CRIPTO: variants seen among roughly 807,000 people sequenced by gnomAD.
CRIPTO encodes cripto, EGF-CFC family member, also known as protein Cripto.
chr3:46,581,317 T>A, the CRIPTO span: 1 of 1,208,292 alleles, frequency 8.3e-7, no homozygotes, highest in Non-Finnish European at 1.2e-6. Context: ...CAGTAAAGGC[T>A]GCTGCTACAA....
chr3:46,579,593 C>T, the CRIPTO span: 1 of 1,163,384 alleles, frequency 8.6e-7, no homozygotes. Context: ...CCACCACTGG[C>T]CTATGCATGA....
chr3:46,581,450 A>G, the CRIPTO span: 1 of 614,490 alleles, frequency 1.6e-6, no homozygotes. Context: ...CTCCCAAAAA[A>G]CTACTTCTTT....
At chr3:46,580,706 A>G in the CRIPTO span, among the ~76,000 whole-genome samples, 2 of 152,162 alleles carry the variant, frequency 1.3e-5, no homozygotes, top group Non-Finnish European at 2.9e-5. Context: ...GGGCCCCCCA[A>G]ATTCAGAGAC....
At chr3:46,578,126 G>A in the CRIPTO span, 81 of 1,037,538 alleles carry the variant, frequency 7.8e-5, no homozygotes, top group African/African-American at 1.6e-4. Context: ...GCTGCCAACC[G>A]CACTGCTGTT....
At chr3:46,576,919 G>C in the CRIPTO span, among the ~76,000 whole-genome samples, 1,732 of 152,232 alleles carry the variant, frequency 0.011, 32 homozygotes, top group African/African-American at 0.039. Flanking sequence ...ATCAGAGTCC[G>C]GGGGTAATTC....
At chr3:46,576,131 G>A in the CRIPTO span, among the ~76,000 whole-genome samples, 1 of 152,116 alleles carries the variant, frequency 6.6e-6, no homozygotes, top group Non-Finnish European at 1.5e-5. Context: ...ACTGGATGGG[G>A]CCTCACTCCC....
the CRIPTO span, among the ~76,000 whole-genome samples, chr3:46,580,520 C>T: frequency 6.6e-6 from 1 of 152,112 alleles, no homozygotes; most frequent in Non-Finnish European, 1.5e-5. Context: ...TCCCTGGTAA[C>T]CCCCTCCCCA....
chr3:46,579,018 T>G, the CRIPTO span: 117 of 1,501,926 alleles, frequency 7.8e-5, no homozygotes, highest in Middle Eastern at 2.0e-4. Flanking sequence ...GTCCTTGTGA[T>G]GAGAGGACCT....
the CRIPTO span, among the ~76,000 whole-genome samples, chr3:46,580,559 TTACCATGACTGGTCACAGAACC>T: frequency 0.035 from 5,329 of 152,228 alleles, 213 homozygotes; most frequent in East Asian, 0.16. Context: ...CACAGAACCC[TTACCATGACTGGTCACAGAACC>T]CTTTCACCTT....
the CRIPTO span, chr3:46,577,096 C>G: frequency 1.3e-5 from 2 of 152,366 alleles, no homozygotes; most frequent in African/African-American, 2.4e-5. Flanking sequence ...ACTGGAGAGT[C>G]CCAGCTGCTG....
chr3:46,578,114 G>C, the CRIPTO span: 19 of 1,245,254 alleles, frequency 1.5e-5, no homozygotes, highest in Admixed American at 3.2e-4. Context: ...AGCCTTAAAA[G>C]AGCTGCCAAC....
At chr3:46,577,832 G>A in the CRIPTO span, 1 of 1,008,486 alleles carries the variant, frequency 9.9e-7, no homozygotes, top group Non-Finnish European at 1.6e-6. Context: ...ACGACCTTCT[G>A]GGGAAAACGA....
the CRIPTO span, among the ~76,000 whole-genome samples, chr3:46,575,016 T>C: frequency 3.5e-4 from 54 of 152,354 alleles, no homozygotes; most frequent in East Asian, 4.1e-3. Flanking sequence ...TGCCTGTGAT[T>C]GGGGAACCCC....
the CRIPTO span, among the ~76,000 whole-genome samples, chr3:46,578,184 T>C: frequency 1.3e-5 from 2 of 152,344 alleles, no homozygotes; most frequent in Non-Finnish European, 2.9e-5. Flanking sequence ...AACTTTGCCA[T>C]TGGCTTTTAA....
At chr3:46,579,157 C>T in the CRIPTO span, 2 of 1,613,976 alleles carry the variant, frequency 1.2e-6, no homozygotes, top group African/African-American at 2.7e-5. Context: ...GGTGAGAGAC[C>T]TTTTGTTCTT....
chr3:46,574,583 G>T, the CRIPTO span: 1 of 152,326 alleles, frequency 6.6e-6, no homozygotes, highest in African/African-American at 2.4e-5. Flanking sequence ...CAATGACAGA[G>T]GTAAGACCTA....
At chr3:46,579,177 C>G in the CRIPTO span, 7 of 1,613,952 alleles carry the variant, frequency 4.3e-6, no homozygotes, top group South Asian at 2.2e-5. Flanking sequence ...TTTGATCACT[C>G]TCAATTTTTA....
At chr3:46,580,233 G>T in the CRIPTO span, 6 of 817,168 alleles carry the variant, frequency 7.3e-6, no homozygotes, top group Admixed American at 1.2e-4. Context: ...TGGCCTCTTT[G>T]ATATTTATTT....
the CRIPTO span, among the ~76,000 whole-genome samples, chr3:46,575,508 G>A: frequency 2.0e-5 from 3 of 152,086 alleles, no homozygotes; most frequent in African/African-American, 7.2e-5. Flanking sequence ...CTCTTCAGGG[G>A]GTTCTGGTCC....
Sources: allele counts gnomAD v4.1 joint callset (sites outside exome capture counted in the v4.1 genomes callset), GRCh38; gene constraint gnomAD v4.1.1; transcripts MANE v1.5; gene names NCBI Gene and HGNC (gene_info 2026-07-23, HGNC 2026-07-21).